Variants in LNPEP observed in about 807,000 individuals in gnomAD.
LNPEP encodes the protein leucyl-cystinyl aminopeptidase.
Under a neutral mutation model 120.6 loss-of-function variants are expected in LNPEP, and 64 were observed. That is an observed-to-expected ratio of 0.53 (90% confidence interval 0.43 to 0.65). The LOEUF (loss-of-function observed/expected upper bound fraction) is 0.65. Among genes scored for constraint, LNPEP ranks in the 30% least tolerant of loss-of-function variants. The pLI, the probability that LNPEP is intolerant of heterozygous loss-of-function variation, is 0.00. For synonymous variants in LNPEP, 435 were observed against 425.4 expected, an observed-to-expected ratio of 1.02 and a Z score of -0.28; for missense variants, 1,057 against 1,200.0, an observed-to-expected ratio of 0.88 and a Z score of 1.76.
intron 2 of LNPEP, among the ~76,000 whole-genome samples, chr5:96,982,820 A>C (rs537427418): frequency 6.6e-6 from 1 of 152,224 alleles, no homozygotes; most frequent in South Asian, 2.1e-4. Context: ...AAACAAAAAA[A>C]GTACACAAAT....
intron 1 of LNPEP, among the ~76,000 whole-genome samples, chr5:96,942,585 C>T (rs976054312): frequency 1.4e-4 from 21 of 147,136 alleles, no homozygotes; most frequent in African/African-American, 4.3e-4. Flanking sequence ...ACCCAGGAGG[C>T]GGAGGTTGCA....
rs924356205 is a variant in LNPEP, at chr5:97,034,008, T to C, written c.*5475T>C. ...TTTAAAAATGTATATATACTTTTCA[T>C]TAACTATATTGTATTATTTCATGCT... On this transcript the variant is annotated 3_prime_UTR_variant, in exon 18 of 18. Transcript: ENST00000231368. 1 of 152,102 alleles carries C rather than the reference T, an allele frequency of 6.6e-6. No homozygotes were observed. The highest frequency in any genetic ancestry group is 1.5e-5 in the Non-Finnish European group (1 of 68,010). 9.4% of individuals were successfully genotyped at this position (152,102 alleles called of 1,614,324 possible). A position where few individuals can be genotyped will look rare whatever the true frequency, so the allele number is the denominator to read the frequency against.
rs780666358 is a variant in LNPEP, at chr5:97,003,492, T to G, written c.1731T>G (p.His577Gln). 6.2e-7 allele frequency: 1 copy of G among 1,608,304 alleles called. No individual in the cohort carries two copies. Among genetic ancestry groups the G allele is most frequent in the South Asian group, 1.1e-5 (1 of 90,578 alleles). Residue 577 changes from histidine to glutamine, a missense_variant, in exon 9 of 18, where the codon CAT (histidine) becomes CAG (glutamine). Transcript: ENST00000231368. ...AACATGCTGTTGTCCTTTACCTGCATAATCACAGCTATGCATCTATTCAAA... is the reference window on the plus strand; with the variant it reads ...AACATGCTGTTGTCCTTTACCTGCAGAATCACAGCTATGCATCTATTCAAA... Reference protein sequence around the residue: ...VFQHAVVLYLHNHSYASIQSD... With the variant: ...VFQHAVVLYLQNHSYASIQSD...
chr5:96,997,910 C>G, intron 7 of LNPEP, 104 bp from the exon 8 acceptor site: 4 of 775,122 alleles, frequency 5.2e-6, no homozygotes, highest in Non-Finnish European at 7.8e-6. Context: ...GTCATTTTTT[C>G]CTAATGATAT....
In LNPEP at chr5:97,028,450, T is replaced by C. The variant is rs1268608522; in HGVS notation, c.2995T>C (p.Cys999Arg). 1.1e-5 allele frequency: 18 copies of C among 1,613,828 alleles called. No individual in the cohort carries two copies. The highest frequency in any genetic ancestry group is 1.4e-5 in the Non-Finnish European group (16 of 1,179,818). ...GTCAGAGGCAACCTTCCGGCTTCGT[T>C]GTGTCCAGGAGGCTTTGGAAGTCAT... ...NQSEATFRLRCVQEALEVIQL... is the reference protein window; with the variant it reads ...NQSEATFRLRRVQEALEVIQL... The change falls in exon 18 of 18, where the codon TGT (cysteine) becomes CGT (arginine). Residue 999 changes from cysteine to arginine, a missense_variant. Physicochemically the swap from Cys to Arg is radical, Grantham distance 180 (BLOSUM62 -3). Transcript: ENST00000231368.
chr5:96,983,447 T>G (rs1790171707), intron 2 of LNPEP, among the ~76,000 whole-genome samples: 1 of 151,524 alleles, frequency 6.6e-6, no homozygotes, highest in Non-Finnish European at 1.5e-5. Flanking sequence ...TCGAGGACTT[T>G]TCTTTTTTTT....
At chr5:96,973,583 T>C (rs1220142655) in intron 1 of LNPEP, among the ~76,000 whole-genome samples, 2 of 152,084 alleles carry the variant, frequency 1.3e-5, no homozygotes, top group Non-Finnish European at 1.5e-5. Flanking sequence ...TTACAATGGA[T>C]TGGATATTAT....
At chr5:96,948,854 A>G (rs922173979) in intron 1 of LNPEP, among the ~76,000 whole-genome samples, 1 of 152,070 alleles carries the variant, frequency 6.6e-6, no homozygotes, top group Non-Finnish European at 1.5e-5. Context: ...TTTGTTGACT[A>G]CTGTATAGTA....
At chr5:96,954,772 A>ATATATATTTT (rs1275200137) in intron 1 of LNPEP, among the ~76,000 whole-genome samples, 1 of 27,110 alleles carries the variant, frequency 3.7e-5, no homozygotes, top group Non-Finnish European at 6.8e-5. Context: ...ATATATATAT[A>ATATATATTTT]TTTTTTTTTT....
At chr5:97,017,049 G>C (rs76866348) in intron 13 of LNPEP, among the ~76,000 whole-genome samples, 5,700 of 152,238 alleles carry the variant, frequency 0.037, 184 homozygotes, top group Middle Eastern at 0.11. Context: ...ATAGTTAATA[G>C]TGTACTATCA....
At chr5:96,972,127 G>T (rs1462937185) in intron 1 of LNPEP, among the ~76,000 whole-genome samples, 1 of 152,096 alleles carries the variant, frequency 6.6e-6, no homozygotes, top group African/African-American at 2.4e-5. Context: ...TCTGTAGACA[G>T]CTTAGTTACT....
At chr5:97,006,297 G>T in intron 10 of LNPEP, 64 bp downstream of exon 10, 1 of 1,429,062 alleles carries the variant, frequency 7.0e-7, no homozygotes, top group Non-Finnish European at 9.7e-7. Context: ...ATTTTTAAGT[G>T]TTTTATAATC....
intron 1 of LNPEP, among the ~76,000 whole-genome samples, chr5:96,949,464 C>T (rs1036816653): frequency 3.3e-5 from 5 of 152,300 alleles, no homozygotes; most frequent in African/African-American, 1.2e-4. Flanking sequence ...AAACCATCAT[C>T]CCTTCATGCT....
At chr5:96,994,253 A>G (rs899730677) in intron 6 of LNPEP, among the ~76,000 whole-genome samples, 1 of 152,212 alleles carries the variant, frequency 6.6e-6, no homozygotes, top group African/African-American at 2.4e-5. Context: ...CTCAGTTTAA[A>G]TAAATGGCTT....
At chr5:96,966,043 T>C (rs112823930) in intron 1 of LNPEP, among the ~76,000 whole-genome samples, 4,068 of 152,290 alleles carry the variant, frequency 0.027, 68 homozygotes, top group Non-Finnish European at 0.038. Context: ...TAAAATGTTC[T>C]CCTGGATAGA....
chr5:96,980,820 G>T (rs775515931), intron 2 of LNPEP, among the ~76,000 whole-genome samples: 1 of 152,180 alleles, frequency 6.6e-6, no homozygotes, highest in Non-Finnish European at 1.5e-5. Flanking sequence ...CATATTAAGA[G>T]AAATAGTTAG....
At chr5:96,947,600 A>G (rs539211951) in intron 1 of LNPEP, among the ~76,000 whole-genome samples, 1 of 152,122 alleles carries the variant, frequency 6.6e-6, no homozygotes, top group Middle Eastern at 3.4e-3. Context: ...CAGATTTTTA[A>G]CTACAGGACT....
At chr5:97,011,480 T>G (rs1347457228) in intron 11 of LNPEP, among the ~76,000 whole-genome samples, 2 of 152,212 alleles carry the variant, frequency 1.3e-5, no homozygotes, top group African/African-American at 4.8e-5. Flanking sequence ...TCCTCCTGCC[T>G]TGGTCTCTCA....
intron 1 of LNPEP, among the ~76,000 whole-genome samples, chr5:96,944,961 G>C (rs1789151207): frequency 1.3e-5 from 2 of 152,152 alleles, no homozygotes; most frequent in South Asian, 4.1e-4. Context: ...TCTGGGTTAA[G>C]ATAAGGTAAG....
Sources: allele counts gnomAD v4.1 joint callset (sites outside exome capture counted in the v4.1 genomes callset), GRCh38; gene constraint gnomAD v4.1.1; transcripts MANE v1.5; gene names NCBI Gene and HGNC (gene_info 2026-07-23, HGNC 2026-07-21).